Variants in PI4KA observed in about 807,000 individuals in gnomAD.
PI4KA encodes the protein phosphatidylinositol 4-kinase alpha.
Under a neutral mutation model 271.4 loss-of-function variants are expected in PI4KA, and 122 were observed. That is an observed-to-expected ratio of 0.45 (90% CI 0.39 to 0.52). The LOEUF is 0.52. PI4KA is among the 20% of genes least tolerant of loss of function. The pLI, the probability that PI4KA is intolerant of heterozygous loss-of-function variation, is 0.00. For synonymous variants in PI4KA, 1,041 were observed against 1,078.8 expected (o/e 0.96, Z 0.69); for missense variants, 1,969 against 2,769.1 (o/e 0.71, Z 6.48).
rs567019145 is a variant in PI4KA, at chr22:20,797,948, T to C, written c.2108+636A>G. ...CCTCTCTTCCAAACACGGATGAACA[T>C]GTCCCTGTCCTCAAGGCATTCCTAG... is the stretch of plus-strand genomic sequence containing the variant. On this transcript the variant is annotated intron_variant, in intron 17 of 54. Coordinates refer to ENST00000255882, the MANE Select transcript of PI4KA (RefSeq NM_058004.4). Among the ~76,000 whole-genome samples the C allele has an allele frequency of 8.5e-5, 13 of 152,278 alleles. No homozygotes were observed. In the South Asian group the frequency reaches 1.4e-3, roughly 17 times the overall value.
chr22:20,807,225 A>T, intron 10 of PI4KA, 137 bp downstream of exon 10: 1 of 611,028 alleles, frequency 1.6e-6, no homozygotes, highest in Non-Finnish European at 2.9e-6. Flanking sequence ...AATTTCAGTA[A>T]CATGACCACT....
At chr22:20,772,708 A>G (rs904935986) in intron 19 of PI4KA, among the ~76,000 whole-genome samples, 4 of 152,252 alleles carry the variant, frequency 2.6e-5, no homozygotes, top group African/African-American at 9.6e-5. Context: ...CTTGAGGAGC[A>G]GTCTCTGTGA....
chr22:20,758,492 G>A lies in PI4KA; in HGVS notation c.2791+2812C>T, dbSNP rs1248736683. On this transcript the variant is annotated intron_variant, in intron 23 of 54. Transcript: ENST00000255882. ...TTTTTTTTTTTGCTCATTAGCTATC[G>A]TTAGTGTTAGTATGTTTTATGTGTG... Among the ~76,000 whole-genome samples, 11 of 92,520 alleles carry A rather than the reference G, an allele frequency of 1.2e-4. No homozygotes were observed. In the East Asian group the frequency reaches 1.4e-3, roughly 12 times the overall value. The allele number at this position is 92,520 out of a possible 152,430, so 60.7% of individuals were successfully genotyped here.
At chr22:20,769,549 G>A (rs1377483097) in intron 19 of PI4KA, among the ~76,000 whole-genome samples, 2 of 151,928 alleles carry the variant, frequency 1.3e-5, no homozygotes, top group Admixed American at 6.6e-5. Context: ...CACACCTGTA[G>A]TCCCAGGTAC....
intron 19 of PI4KA, chr22:20,779,226 G>A (rs1025229026): frequency 1.2e-6 from 2 of 1,605,930 alleles, no homozygotes; most frequent in Admixed American, 1.7e-5. Flanking sequence ...CAGGGAACCT[G>A]CCATGTGGAT....
intron 30 of PI4KA, among the ~76,000 whole-genome samples, chr22:20,743,847 G>C (rs780844667): frequency 6.6e-6 from 1 of 151,986 alleles, no homozygotes; most frequent in Non-Finnish European, 1.5e-5. Context: ...GAGGTCAGGA[G>C]ATCAAGACCG....
chr22:20,848,501 C>G (rs924506889), intron 1 of PI4KA, among the ~76,000 whole-genome samples: 1 of 152,156 alleles, frequency 6.6e-6, no homozygotes, highest in African/African-American at 2.4e-5. Context: ...TAGCCAACAT[C>G]AGGAAAGACA....
chr22:20,750,976 G>A (rs535739338), intron 27 of PI4KA, among the ~76,000 whole-genome samples: 50 of 152,340 alleles, frequency 3.3e-4, no homozygotes, highest in Middle Eastern at 3.4e-3. Context: ...CTTGTGCGAC[G>A]CAGACTCGAG....
chr22:20,814,447 TA>T (rs1224400219), intron 7 of PI4KA, among the ~76,000 whole-genome samples: 1 of 152,126 alleles, frequency 6.6e-6, no homozygotes, highest in East Asian at 1.9e-4. Context: ...ACTACTAAAC[TA>T]TACACTTTAA....
In PI4KA at chr22:20,823,908, C is replaced by T. The variant is rs11090418; in HGVS notation, c.456+418G>A. ...TGAGCCAAGATTGCACCACTGCACT[C>T]CAGCCTGGATGACAGAGCAAGACTG... On this transcript the variant is annotated intron_variant, in intron 4 of 54. Transcript: ENST00000255882. Among the ~76,000 whole-genome samples the T allele has an allele frequency of 8.1e-3, 1,238 of 152,122 alleles. 18 individuals are homozygous for T. The highest frequency in any genetic ancestry group is 0.028 in the African/African-American group (1,166 of 41,490).
chr22:20,810,164 T>A (rs773729116), intron 9 of PI4KA, among the ~76,000 whole-genome samples: 5 of 152,172 alleles, frequency 3.3e-5, no homozygotes, highest in Admixed American at 6.5e-5. Context: ...AGCACCAATG[T>A]AATGATTTCA....
intron 12 of PI4KA, among the ~76,000 whole-genome samples, chr22:20,803,969 G>A (rs1432960134): frequency 1.3e-5 from 2 of 152,204 alleles, no homozygotes; most frequent in African/African-American, 4.8e-5. Context: ...TAGCACTGTG[G>A]GTGTCAGGAG....
At chr22:20,838,936 G>A (rs1367886242) in intron 1 of PI4KA, among the ~76,000 whole-genome samples, 1 of 152,150 alleles carries the variant, frequency 6.6e-6, no homozygotes, top group East Asian at 1.9e-4. Flanking sequence ...TAAAAAATAG[G>A]CCAGGTGCAG....
chr22:20,729,724 A>G lies in PI4KA; in HGVS notation c.4409-13T>C, dbSNP rs1186356326. On this transcript the variant is annotated splice_polypyrimidine_tract_variant and intron_variant, in intron 37 of 54. Coordinates refer to ENST00000255882, the MANE Select transcript of PI4KA (RefSeq NM_058004.4). ...TTCTTAGACATGCCTAGGAGGAAAG[A>G]CAAAGCACAGGTGTAGTCCTCAGAT... 1 of 1,590,556 alleles carries G rather than the reference A, an allele frequency of 6.3e-7. No homozygotes were observed. The highest frequency in any genetic ancestry group is 1.1e-5 in the South Asian group (1 of 88,210).
intron 1 of PI4KA, among the ~76,000 whole-genome samples, chr22:20,840,500 T>C (rs1395554732): frequency 6.6e-6 from 1 of 151,806 alleles, no homozygotes. Flanking sequence ...ACACAGAAAA[T>C]GGATTTTGGA....
chr22:20,770,679 T>A (rs1031581186), intron 19 of PI4KA, among the ~76,000 whole-genome samples: 6 of 149,782 alleles, frequency 4.0e-5, no homozygotes, highest in African/African-American at 1.5e-4. Context: ...GGTTCCAAAA[T>A]TTTAAACCTG....
chr22:20,756,058 CTGTTA>C (rs1931256954), intron 23 of PI4KA, among the ~76,000 whole-genome samples: 1 of 152,098 alleles, frequency 6.6e-6, no homozygotes, highest in Non-Finnish European at 1.5e-5. Context: ...TCATAGCTAT[CTGTTA>C]TAAGGGTAAG....
chr22:20,852,341 T>C (rs1927083260), intron 1 of PI4KA, among the ~76,000 whole-genome samples: 1 of 152,090 alleles, frequency 6.6e-6, no homozygotes, highest in South Asian at 2.1e-4. Flanking sequence ...GACAAACAGC[T>C]GGTGACACAG....
intron 45 of PI4KA, 102 bp from the exon 46 acceptor site, chr22:20,714,802 C>A: frequency 7.3e-7 from 1 of 1,364,096 alleles, no homozygotes; most frequent in South Asian, 1.4e-5. Context: ...ACCCTGCAGG[C>A]ACACCCCGCC....
Sources: allele counts gnomAD v4.1 joint callset (sites outside exome capture counted in the v4.1 genomes callset), GRCh38; gene constraint gnomAD v4.1.1; transcripts MANE v1.5; gene names NCBI Gene and HGNC (gene_info 2026-07-23, HGNC 2026-07-21).